ITGAD: variants seen among roughly 807,000 people sequenced by gnomAD.
ITGAD encodes the protein integrin alpha-D.
Under a neutral mutation model 139.0 loss-of-function variants are expected in ITGAD, and 105 were observed. The observed-to-expected ratio is 0.76, with a 90% CI of 0.65 to 0.89. The LOEUF (loss-of-function observed/expected upper bound fraction) is 0.89, where lower values mean the gene tolerates loss of function less well. Among genes scored for constraint, ITGAD ranks in the 40% least tolerant of loss-of-function variants. ITGAD has a pLI of 0.00. For missense variants in ITGAD, 1,384 were observed against 1,487.3 expected, an observed-to-expected ratio of 0.93 and a Z score of 1.14; for synonymous variants, 569 against 598.3, an observed-to-expected ratio of 0.95 and a Z score of 0.71.
At chr16:31,411,659 C>A in intron 14 of ITGAD, 142 bp downstream of exon 14, 1 of 814,412 alleles carries the variant, frequency 1.2e-6, no homozygotes. Flanking sequence ...CTCTTCTCTC[C>A]TTTGTTCCAG....
At chr16:31,408,023 G>C in intron 9 of ITGAD, 107 bp downstream of exon 9, 1 of 1,243,618 alleles carries the variant, frequency 8.0e-7, no homozygotes, top group Non-Finnish European at 1.1e-6. Context: ...CCAGGCTGGA[G>C]TGTAGTGGCA....
At chr16:31,412,160 T>G (rs1667046829) in intron 14 of ITGAD, among the ~76,000 whole-genome samples, 1 of 150,960 alleles carries the variant, frequency 6.6e-6, no homozygotes, top group Admixed American at 6.6e-5. Context: ...ACCTCCCGAG[T>G]AGCCTCCCGA....
At chr16:31,418,262 C>G (rs1235520379) in intron 21 of ITGAD, 39 bp from the exon 22 acceptor site, 1 of 1,608,606 alleles carries the variant, frequency 6.2e-7, no homozygotes, top group South Asian at 1.1e-5. Flanking sequence ...CTGCCATGCC[C>G]TTCCTTTTAT....
rs2081890389 is a variant in ITGAD at position 31,416,528 on chromosome 16, G to A, written c.2381G>A (p.Ser794Asn). The A allele has an allele frequency of 1.9e-6, 3 of 1,612,440 alleles. No individual in the cohort carries two copies. Among genetic ancestry groups the A allele is most frequent in the Admixed American group, 1.7e-5 (1 of 59,974 alleles). The change falls in exon 20 of 30, where the codon AGC (serine) becomes AAC (asparagine). Residue 794 changes from serine to asparagine, a missense_variant. Transcript: ENST00000389202. ...FSGLQTLTVG[S>N]SLELNVIVTV... Reference sequence around the variant, plus strand: ...AGCCTGCAGACCCTGACCGTGGGGAGCTCCCTGGAGCTCAACGTGATTGTG... The same window carrying A: ...AGCCTGCAGACCCTGACCGTGGGGAACTCCCTGGAGCTCAACGTGATTGTG...
intron 20 of ITGAD, among the ~76,000 whole-genome samples, chr16:31,417,642 T>C (rs1236246440): frequency 2.0e-5 from 3 of 152,120 alleles, no homozygotes; most frequent in Non-Finnish European, 1.5e-5. Flanking sequence ...TTGATGGAAA[T>C]TGATTGAAAA....
chr16:31,412,613 C>T (rs1293812140), intron 14 of ITGAD, among the ~76,000 whole-genome samples: 1 of 152,148 alleles, frequency 6.6e-6, no homozygotes, highest in African/African-American at 2.4e-5. Context: ...ATGAATGACA[C>T]TCGGGTCACC....
In ITGAD at chr16:31,407,919, A is replaced by C. The variant is rs1171541860; in HGVS notation, c.1009+3A>C. 1.3e-6 allele frequency: 2 copies of C among 1,578,250 alleles called. No homozygotes were observed. Among genetic ancestry groups the C allele is most frequent in the South Asian group, 2.3e-5 (2 of 88,632 alleles). ...GGAGAAGATCTATGCAGTTGAGGGT[A>C]AATGGAAGCAAGGGTGCGCCTGGGA... On this transcript the variant is annotated splice_donor_region_variant and intron_variant, in intron 9 of 29. Transcript: ENST00000389202.
At chr16:31,413,803 G>T (rs982304913) in intron 16 of ITGAD, among the ~76,000 whole-genome samples, 1 of 152,094 alleles carries the variant, frequency 6.6e-6, no homozygotes, top group East Asian at 1.9e-4. Context: ...CCATGGTCCC[G>T]GATGTTCTCC....
chr16:31,408,749 G>A (rs2081604008), intron 10 of ITGAD: 1 of 457,190 alleles, frequency 2.2e-6, no homozygotes, highest in African/African-American at 2.0e-5. Flanking sequence ...CTAAGCATCA[G>A]GGTAGAGAGA....
chr16:31,411,637 C>T, intron 14 of ITGAD, 120 bp downstream of exon 14: 1 of 912,098 alleles, frequency 1.1e-6, no homozygotes, highest in Non-Finnish European at 1.7e-6. Context: ...GTCAGCTAAG[C>T]ACACGTCATC....
chr16:31,420,302 G>C (rs1382713746), intron 23 of ITGAD, among the ~76,000 whole-genome samples: 2 of 152,170 alleles, frequency 1.3e-5, no homozygotes, highest in Non-Finnish European at 2.9e-5. Flanking sequence ...TCTGCAGGTG[G>C]TGGAGGCACA....
At chr16:31,421,457 C>T (rs2082004839) in intron 23 of ITGAD, among the ~76,000 whole-genome samples, 1 of 145,696 alleles carries the variant, frequency 6.9e-6, no homozygotes, top group South Asian at 2.2e-4. Context: ...GAACCCATCT[C>T]TACCAAAAAA....
chr16:31,419,608 C>G (rs1181384706), intron 23 of ITGAD, among the ~76,000 whole-genome samples: 6 of 151,940 alleles, frequency 3.9e-5, no homozygotes, highest in Non-Finnish European at 7.4e-5. Flanking sequence ...GTCAGGAGTT[C>G]AAGACCAGCC....
chr16:31,425,445 A>G (rs1288900370), intron 29 of ITGAD, among the ~76,000 whole-genome samples: 1 of 152,202 alleles, frequency 6.6e-6, no homozygotes, highest in Non-Finnish European at 1.5e-5. Flanking sequence ...AGGCCAGGGC[A>G]TGTGCACAGA....
At position 31,403,470 on chromosome 16, in the gene ITGAD, G is replaced by C. The variant is rs762718130; in HGVS notation, c.559-30G>C. The C allele has an allele frequency of 1.4e-5, 23 of 1,613,668 alleles. No homozygotes were observed. In the East Asian group the frequency reaches 5.1e-4, roughly 36 times the overall value. On this transcript the variant is annotated intron_variant, in intron 6 of 29. Transcript: ENST00000389202. The surrounding 1 kb of genome is among the most constrained non-coding windows in gnomAD (Gnocchi z 4.4). ...TAAAAACAATAGTAACAGGCACTGA[G>C]CCCTGGGCCCTCCCCACTGGCCTTT...
At chr16:31,419,398 T>C (rs2081965014) in intron 23 of ITGAD, among the ~76,000 whole-genome samples, 1 of 152,192 alleles carries the variant, frequency 6.6e-6, no homozygotes, top group Non-Finnish European at 1.5e-5. Flanking sequence ...TCCAGTACAG[T>C]AACACGCTGC....
At chr16:31,408,810 C>A (rs2142728637) in intron 10 of ITGAD, among the ~76,000 whole-genome samples, 1 of 152,330 alleles carries the variant, frequency 6.6e-6, no homozygotes, top group East Asian at 1.9e-4. Context: ...CTGGACAAAT[C>A]AGGGGAGACT....
intron 2 of ITGAD, among the ~76,000 whole-genome samples, chr16:31,397,062 G>GTTTTTT (rs539015704): frequency 9.9e-6 from 1 of 100,822 alleles, no homozygotes; most frequent in Non-Finnish European, 1.8e-5. Context: ...CTTTAAATAG[G>GTTTTTT]TTTTTTTTTT....
At chr16:31,410,368 C>A in intron 10 of ITGAD, 27 bp from the exon 11 acceptor site, 1 of 1,613,578 alleles carries the variant, frequency 6.2e-7, no homozygotes, top group Non-Finnish European at 8.5e-7. Context: ...CTAGTCTCTG[C>A]CCAGCCCTGG....
Sources: gnomAD v4.1 joint callset for allele counts (sites outside exome capture counted in the v4.1 genomes callset) on GRCh38, gnomAD v4.1.1 for gene constraint, Gnocchi (gnomAD v3.1) non-coding constraint, MANE v1.5 for transcripts, NCBI Gene and HGNC (gene_info 2026-07-23, HGNC 2026-07-21) for gene names.